TDRD9: variants seen among roughly 807,000 people sequenced by gnomAD.
TDRD9 encodes ATP-dependent RNA helicase TDRD9.
Under a neutral mutation model 172.6 loss-of-function variants are expected in TDRD9, and 124 were observed. The observed-to-expected ratio is 0.72, with a 90% CI of 0.62 to 0.83. The LOEUF (loss-of-function observed/expected upper bound fraction) is 0.83. Ranked by LOEUF, TDRD9 falls within the 40% of genes least tolerant of loss-of-function variation. TDRD9 has a pLI of 0.00. For synonymous variants in TDRD9, 619 were observed against 617.1 expected (o/e 1.00, Z -0.05); for missense variants, 1,479 against 1,714.1 (o/e 0.86, Z 2.42).
At chr14:103,945,399 C>G (rs2031506832) in intron 1 of TDRD9, 1 of 152,192 alleles carries the variant, frequency 6.6e-6, no homozygotes, top group African/African-American at 2.4e-5. Context: ...TGCTACTTGC[C>G]TTACAGATTT....
At chr14:104,030,421 G>T (rs910931666) in intron 28 of TDRD9, among the ~76,000 whole-genome samples, 2 of 152,208 alleles carry the variant, frequency 1.3e-5, no homozygotes, top group Non-Finnish European at 2.9e-5. Flanking sequence ...AACCTGGGAG[G>T]TGGAGGTTGT....
chr14:104,044,205 T>A (rs1476961153), intron 34 of TDRD9, among the ~76,000 whole-genome samples: 1 of 152,172 alleles, frequency 6.6e-6, no homozygotes, highest in Non-Finnish European at 1.5e-5. Flanking sequence ...AAAGGTTCGT[T>A]CCAGCCAGGG....
At chr14:103,940,860 G>A in intron 1 of TDRD9, 2 of 1,535,320 alleles carry the variant, frequency 1.3e-6, no homozygotes, top group Non-Finnish European at 8.7e-7. Context: ...AGAACACTGG[G>A]AACCTGTCCT....
At chr14:104,044,832 T>C (rs1596030908) in intron 34 of TDRD9, among the ~76,000 whole-genome samples, 1 of 152,136 alleles carries the variant, frequency 6.6e-6, no homozygotes. Context: ...TATTGGTAGG[T>C]TTATGTTAAT....
At chr14:103,928,909 G>A (rs992239718) in intron 1 of TDRD9, 185 bp downstream of exon 1, 2 of 242,934 alleles carry the variant, frequency 8.2e-6, no homozygotes, top group African/African-American at 2.4e-5. Flanking sequence ...TGCCTGTAAG[G>A]AAGCTGAGCT....
In TDRD9 at chr14:104,045,390, CTT is replaced by C. The variant is rs55844445; in HGVS notation, c.3974+3218_3974+3219del. ...TATTCCTCTTAGCCAGTCATTTATC[CTT>C]TTTTTTTTTTTTTTGGTGAAATGTC... On this transcript the variant is annotated intron_variant, in intron 34 of 35. Transcript: ENST00000409874. Among the ~76,000 whole-genome samples the C allele has an allele frequency of 1.1e-3, 142 of 133,860 alleles. No individual in the cohort carries two copies. The Middle Eastern group carries it at 0.012, about 11-fold the overall frequency. 87.8% of individuals were successfully genotyped at this position (133,860 alleles called of 152,430 possible).
At chr14:103,940,972 C>T (rs1173926971) in intron 1 of TDRD9, 1 of 1,535,474 alleles carries the variant, frequency 6.5e-7, no homozygotes, top group South Asian at 1.2e-5. Flanking sequence ...GCAGTCCATG[C>T]TCCCTGAGTC....
At chr14:103,968,624 A>G (rs1280627878) in intron 5 of TDRD9, among the ~76,000 whole-genome samples, 11 of 147,824 alleles carry the variant, frequency 7.4e-5, no homozygotes, top group Non-Finnish European at 1.3e-4. Context: ...GTGAAACCCC[A>G]TCTCTACTAA....
At chr14:103,998,791 C>CT (rs369179781) in intron 13 of TDRD9, 63 bp downstream of exon 13, 79,280 of 618,604 alleles carry the variant, frequency 0.13, no homozygotes, top group South Asian at 0.17. Context: ...CATTCAGGTG[C>CT]TTTTTTTTTT....
At chr14:103,939,177 C>T (rs1177995818) in intron 1 of TDRD9, among the ~76,000 whole-genome samples, 1 of 152,080 alleles carries the variant, frequency 6.6e-6, no homozygotes, top group East Asian at 1.9e-4. Flanking sequence ...CCAGTGGCTG[C>T]TTGAGGAGCC....
intron 31 of TDRD9, 64 bp from the exon 32 acceptor site, chr14:104,034,896 G>A (rs1484718633): frequency 7.6e-7 from 1 of 1,315,424 alleles, no homozygotes; most frequent in East Asian, 2.5e-5. Flanking sequence ...AGCGGGCCGG[G>A]AGGGAACGCT....
At chr14:103,994,237 C>T in intron 9 of TDRD9, 95 bp from the exon 10 acceptor site, 1 of 1,079,880 alleles carries the variant, frequency 9.3e-7, no homozygotes, top group Non-Finnish European at 1.4e-6. Flanking sequence ...TTGGTAGGGC[C>T]TTCTTTGAAA....
chr14:103,937,772 C>T (rs934712736), intron 1 of TDRD9, among the ~76,000 whole-genome samples: 1 of 152,054 alleles, frequency 6.6e-6, no homozygotes, highest in Non-Finnish European at 1.5e-5. Context: ...TGTATTGGTA[C>T]TAGCTGGTTC....
chr14:103,937,212 T>G (rs1351303314), intron 1 of TDRD9, among the ~76,000 whole-genome samples: 1 of 152,222 alleles, frequency 6.6e-6, no homozygotes. Context: ...TGACTCTGCA[T>G]CTAGGCTTGG....
At chr14:104,034,406 A>G (rs571244035) in intron 31 of TDRD9, among the ~76,000 whole-genome samples, 123 of 152,092 alleles carry the variant, frequency 8.1e-4, no homozygotes, top group African/African-American at 1.7e-3. Flanking sequence ...TAGCCAGGAT[A>G]GTCTTGATCT....
chr14:103,950,090 CTTTT>C (rs58379140), intron 1 of TDRD9, among the ~76,000 whole-genome samples: 3 of 108,444 alleles, frequency 2.8e-5, no homozygotes, highest in Non-Finnish European at 5.3e-5. Flanking sequence ...TCCTTCCTTC[CTTTT>C]TTTTTTTTTT....
At chr14:104,016,230 T>C in intron 22 of TDRD9, 142 bp downstream of exon 22, 1 of 607,758 alleles carries the variant, frequency 1.6e-6, no homozygotes, top group Non-Finnish European at 2.9e-6. Flanking sequence ...TTCAGGTGTA[T>C]CTAGGCTTGT....
At chr14:103,998,809 C>G in intron 13 of TDRD9, 81 bp downstream of exon 13, 1 of 716,016 alleles carries the variant, frequency 1.4e-6, no homozygotes, top group South Asian at 1.7e-5. Flanking sequence ...TTTTTTTTCT[C>G]TGAGACGGAG....
chr14:103,966,687 CT>C, intron 4 of TDRD9, 21 bp from the exon 5 acceptor site: 4 of 1,488,424 alleles, frequency 2.7e-6, no homozygotes, highest in South Asian at 1.4e-5. Context: ...TTTTCCTTTC[CT>C]TTTTCCTTCT....
Sources: allele counts gnomAD v4.1 joint callset (sites outside exome capture counted in the v4.1 genomes callset), GRCh38; gene constraint gnomAD v4.1.1; transcripts MANE v1.5; gene names NCBI Gene and HGNC (gene_info 2026-07-23, HGNC 2026-07-21).